Variants in WASHC5 observed in about 807,000 individuals in gnomAD.
The protein encoded by WASHC5 is WASH complex subunit 5.
WASHC5 carries 101 observed loss-of-function variants against 150.4 expected under a neutral mutation model. That is an observed-to-expected ratio of 0.67 (90% CI 0.57 to 0.79). WASHC5 has a LOEUF of 0.79. WASHC5 is among the 30% of genes least tolerant of loss of function. WASHC5 has a pLI of 0.00. For missense variants in WASHC5, 1,195 were observed against 1,396.3 expected (o/e 0.86, Z 2.30); for synonymous variants, 467 against 491.2 (o/e 0.95, Z 0.65).
chr8:125,058,584 T>C (rs184188841), intron 14 of WASHC5, among the ~76,000 whole-genome samples: 32 of 151,954 alleles, frequency 2.1e-4, no homozygotes, highest in African/African-American at 7.0e-4. Context: ...CCATCTCTAC[T>C]AAAAATAGTA....
intron 26 of WASHC5, among the ~76,000 whole-genome samples, chr8:125,035,017 A>C (rs1281875042): frequency 6.6e-6 from 1 of 152,180 alleles, no homozygotes; most frequent in Non-Finnish European, 1.5e-5. Flanking sequence ...TTCAATAATC[A>C]AGACATTATT....
At chr8:125,059,708 T>C (rs1816533271) in intron 12 of WASHC5, among the ~76,000 whole-genome samples, 166 bp from the exon 13 acceptor site, 1 of 152,222 alleles carries the variant, frequency 6.6e-6, no homozygotes, top group Non-Finnish European at 1.5e-5. Flanking sequence ...TATTAAAAAA[T>C]GCACAAGTTT....
chr8:125,072,186 A>G (rs1195804354), intron 9 of WASHC5, among the ~76,000 whole-genome samples: 6 of 151,992 alleles, frequency 3.9e-5, no homozygotes, highest in African/African-American at 1.5e-4. Context: ...ACAAAAAAAT[A>G]CAAAAAACTT....
chr8:125,036,835 ACT>A (rs1251888978), intron 26 of WASHC5, among the ~76,000 whole-genome samples: 1 of 151,858 alleles, frequency 6.6e-6, no homozygotes, highest in East Asian at 1.9e-4. Flanking sequence ...CATGGTGAAA[ACT>A]CTGTCTCTAC....
intron 17 of WASHC5, among the ~76,000 whole-genome samples, chr8:125,053,260 C>G (rs1816302484): frequency 6.6e-6 from 1 of 152,082 alleles, no homozygotes; most frequent in Non-Finnish European, 1.5e-5. Context: ...GCGAGGGCCA[C>G]AGGATTACTT....
At chr8:125,085,572 A>G (rs942105166) in intron 1 of WASHC5, among the ~76,000 whole-genome samples, 1 of 152,210 alleles carries the variant, frequency 6.6e-6, no homozygotes, top group Non-Finnish European at 1.5e-5. Context: ...CCAACAAAAC[A>G]TACATGTGAT....
Position 125,082,603 on chromosome 8 carries a change from C to G in WASHC5, c.333-136G>C, listed in dbSNP as rs573985869. ...CCACTAGTTCATGGTCCTTCATGCT[C>G]TTAAGAATACAGTCTTATAAACTGA... On this transcript the variant is annotated intron_variant, in intron 3 of 28. Coordinates refer to ENST00000318410, the MANE Select transcript of WASHC5 (RefSeq NM_014846.4). 2.6e-5 allele frequency: 17 copies of G among 653,582 alleles called. No homozygotes were observed. The East Asian group carries it at 3.6e-4, about 14-fold the overall frequency. 40.5% of individuals were successfully genotyped at this position (653,582 alleles called of 1,614,324 possible).
intron 18 of WASHC5, 93 bp from the exon 19 acceptor site, chr8:125,049,278 G>T: frequency 7.3e-7 from 1 of 1,366,752 alleles, no homozygotes; most frequent in Non-Finnish European, 1.0e-6. Context: ...AGTATAGCAG[G>T]CCAGATGCGG....
chr8:125,084,746 T>C (rs1383527749), intron 1 of WASHC5, among the ~76,000 whole-genome samples: 1 of 152,226 alleles, frequency 6.6e-6, no homozygotes, highest in Non-Finnish European at 1.5e-5. Context: ...ACCCAACCAC[T>C]CCTTGCTGAA....
intron 28 of WASHC5, 43 bp downstream of exon 28, chr8:125,028,577 T>A (rs1368147585): frequency 7.1e-7 from 1 of 1,416,626 alleles, no homozygotes; most frequent in South Asian, 1.2e-5. Context: ...TATTAGCATC[T>A]TTTTACAACT....
In WASHC5 at chr8:125,067,603, T is replaced by A; in HGVS notation, c.1267A>T (p.Ile423Leu). 1 of 1,611,790 alleles carries A rather than the reference T, an allele frequency of 6.2e-7. No homozygotes were observed. The highest frequency in any genetic ancestry group is 2.2e-5 in the East Asian group (1 of 44,818). The change falls in exon 10 of 29, where the codon ATA becomes TTA. Residue 423 changes from isoleucine (I) to leucine (L), a missense_variant. Physicochemically the swap from Ile to Leu is conservative, Grantham distance 5. Coordinates refer to ENST00000318410, the MANE Select transcript of WASHC5 (RefSeq NM_014846.4). ...TCAAATATTTTTACCTCTTTGAGTA[T>A]AAACTCAAATTGTGCAGTATCTAAC... is the stretch of plus-strand genomic sequence containing the variant. ...LLLDTAQFEF[I>L]LKEMFKQMLS...
In WASHC5 at chr8:125,024,271, G is replaced by A; in HGVS notation, c.*346C>T. On this transcript the variant is annotated 3_prime_UTR_variant, in exon 29 of 29. Coordinates refer to ENST00000318410, the MANE Select transcript of WASHC5 (RefSeq NM_014846.4). ...ATAAGCGAGACGACTTTGGGTACTA[G>A]TAATACTATTTTACTGAAAATCTGG... The A allele has an allele frequency of 5.8e-6, 2 of 345,196 alleles. No individual in the cohort carries two copies. The highest frequency in any genetic ancestry group is 5.5e-6 in the Non-Finnish European group (1 of 182,588). The allele number at this position is 345,196 out of a possible 1,614,324, so 21.4% of individuals were successfully genotyped here.
chr8:125,051,705 T>A (rs868447307), intron 17 of WASHC5, among the ~76,000 whole-genome samples: 6 of 152,246 alleles, frequency 3.9e-5, no homozygotes, highest in African/African-American at 1.4e-4. Context: ...CTGACCAACA[T>A]GGAGAAACCC....
rs754817831 is a variant in WASHC5, at chr8:125,075,108, T to C, written c.868A>G (p.Ile290Val). 1.3e-6 allele frequency: 2 copies of C among 1,568,828 alleles called. No individual in the cohort carries two copies. Among genetic ancestry groups the C allele is most frequent in the African/African-American group, 1.4e-5 (1 of 73,956 alleles). Residue 290 changes from isoleucine (I) to valine (V), a missense_variant, in exon 8 of 29, where the codon ATT becomes GTT. By Grantham distance (29) the Ile-to-Val change is conservative (BLOSUM62 3). Around this residue, in one of 3 missense-constraint regions of WASHC5, gnomAD observed 997 missense variants for 1,168.1 expected, o/e 0.85. Transcript: ENST00000318410. Reference sequence around the variant, plus strand: ...ACTGTGATCCCCATGTAAATACTAATTACCTGAAAGAGGAGACATTCAGAA... The same window carrying C: ...ACTGTGATCCCCATGTAAATACTAACTACCTGAAAGAGGAGACATTCAGAA... ...VDKYFPDNWV[I>V]SIYMGITVNL...
intron 9 of WASHC5, among the ~76,000 whole-genome samples, chr8:125,071,848 G>A (rs924415491): frequency 6.6e-6 from 1 of 152,192 alleles, no homozygotes; most frequent in African/African-American, 2.4e-5. Context: ...TAAAATCAAG[G>A]TGATGGCTGC....
In WASHC5 at chr8:125,082,405, T is replaced by C. The variant is rs769865408; in HGVS notation, c.395A>G (p.Asn132Ser). The change falls in exon 4 of 29, where the codon AAT becomes AGT. Residue 132 changes from asparagine (N) to serine (S), a missense_variant. By Grantham distance (46) the Asn-to-Ser change is conservative (BLOSUM62 1). Around this residue, in one of 3 missense-constraint regions of WASHC5, gnomAD observed 195 missense variants for 206.9 expected, o/e 0.94. Transcript: ENST00000318410. The stretch of plus-strand genomic sequence containing the variant: ...TACTAGAAGTTGTTTTCCATCTTCA[T>C]TGAGAAGCACAGTTTCTAAGGTTTG... ...IQQTLETVLL[N>S]EDGKQLLCEA... is the part of the protein sequence containing the mutation. 2.5e-6 allele frequency: 4 copies of C among 1,581,696 alleles called. No homozygotes were observed. The highest frequency in any genetic ancestry group is 1.1e-5 in the South Asian group (1 of 90,250).
intron 23 of WASHC5, among the ~76,000 whole-genome samples, chr8:125,043,355 G>GT (rs11392351): frequency 0.11 from 16,909 of 152,182 alleles, 2,205 homozygotes; most frequent in African/African-American, 0.31. Context: ...CATTTCCAAA[G>GT]TAAGACTGCT....
At chr8:125,038,053 T>C (rs535581406) in intron 25 of WASHC5, among the ~76,000 whole-genome samples, 11 of 152,148 alleles carry the variant, frequency 7.2e-5, no homozygotes, top group Non-Finnish European at 1.3e-4. Flanking sequence ...GCGTATTTCA[T>C]AGGGCTTGTT....
intron 26 of WASHC5, among the ~76,000 whole-genome samples, chr8:125,035,796 T>A (rs961850304): frequency 2.6e-5 from 4 of 152,162 alleles, no homozygotes; most frequent in Non-Finnish European, 5.9e-5. Flanking sequence ...ATTTTCACCC[T>A]AAAAAAGCTT....
Sources: gnomAD v4.1 joint callset for allele counts (sites outside exome capture counted in the v4.1 genomes callset) on GRCh38, gnomAD v4.1.1 for gene constraint, gnomAD v4.1.1 regional missense constraint, MANE v1.5 for transcripts, NCBI Gene and HGNC (gene_info 2026-07-23, HGNC 2026-07-21) for gene names.